Variants in TTYH2 observed in about 807,000 individuals in gnomAD.
TTYH2 encodes protein tweety homolog 2.
In TTYH2, 49 loss-of-function variants were observed where a neutral mutation model predicts 68.3. The observed-to-expected ratio is 0.72, with a 90% CI of 0.57 to 0.91. TTYH2 has a LOEUF of 0.91. Among genes scored for constraint, TTYH2 ranks in the 40% least tolerant of loss-of-function variants. The pLI, the probability that TTYH2 is intolerant of heterozygous loss-of-function variation, is 0.00. For synonymous variants in TTYH2, 272 were observed against 300.8 expected, an observed-to-expected ratio of 0.90 and a Z score of 0.99; for missense variants, 631 against 700.4, an observed-to-expected ratio of 0.90 and a Z score of 1.12.
rs777539141 is a variant in TTYH2, at chr17:74,250,363, TGGGGACCCTGG to T, written c.1116+9_1116+19del. On this transcript the variant is annotated splice_region_variant and intron_variant, in intron 10 of 13. Transcript: ENST00000269346. ...ACTGCCGAGGGCTGCACAAGGTGCA[TGGGGACCCTGG>T]GGTCACGTGGAGAGTGTGAGGGCAC... is the stretch of plus-strand genomic sequence containing the variant. The T allele has an allele frequency of 1.3e-4, 217 of 1,610,890 alleles. No individual in the cohort carries two copies. The highest frequency in any genetic ancestry group is 1.8e-4 in the Non-Finnish European group (207 of 1,178,178).
chr17:74,254,848 G>A (rs2050676800), intron 13 of TTYH2, among the ~76,000 whole-genome samples: 1 of 152,074 alleles, frequency 6.6e-6, no homozygotes, highest in African/African-American at 2.4e-5. Flanking sequence ...TCTCTTTTGG[G>A]CTGGACGGTG....
intron 2 of TTYH2, among the ~76,000 whole-genome samples, chr17:74,229,347 T>C (rs1567812873): frequency 6.6e-6 from 1 of 152,158 alleles, no homozygotes; most frequent in East Asian, 1.9e-4. Context: ...TCAGCATCCC[T>C]TGGGCTGGCT....
At position 74,254,878 on chromosome 17, in the gene TTYH2, T is replaced by C. The variant is rs536066198; in HGVS notation, c.1524+1045T>C. ...ACGGTGGGTTGGCTGTGGTGGCGGG[T>C]CTGGGAGGGCTGAACCCAAACACAG... is the stretch of plus-strand genomic sequence containing the variant. On this transcript the variant is annotated intron_variant, in intron 13 of 13. Transcript: ENST00000269346. 1.8e-3 allele frequency among the ~76,000 whole-genome samples: 274 copies of C among 152,072 alleles called. 5 individuals are homozygous for C. Among genetic ancestry groups the C allele is most frequent in the African/African-American group, 6.4e-3 (265 of 41,478 alleles).
At chr17:74,250,242 C>G (rs1162703488) in intron 9 of TTYH2, 23 bp from the exon 10 acceptor site, 1 of 1,492,424 alleles carries the variant, frequency 6.7e-7, no homozygotes, top group East Asian at 2.3e-5. Flanking sequence ...CCCTCGGCCT[C>G]TCTCGCTCTC....
intron 2 of TTYH2, among the ~76,000 whole-genome samples, chr17:74,226,649 G>A (rs908506270): frequency 1.3e-5 from 2 of 152,182 alleles, no homozygotes; most frequent in Admixed American, 1.3e-4. Context: ...CTCTGCTGAT[G>A]TGATTCCACC....
chr17:74,254,972 C>T (rs556903728), intron 13 of TTYH2, among the ~76,000 whole-genome samples: 28 of 152,308 alleles, frequency 1.8e-4, no homozygotes, highest in African/African-American at 6.3e-4. Flanking sequence ...TGCCTCTTGT[C>T]CACCCCACCA....
intron 2 of TTYH2, 97 bp from the exon 3 acceptor site, chr17:74,230,791 T>A: frequency 2.4e-6 from 3 of 1,233,096 alleles, no homozygotes; most frequent in Non-Finnish European, 3.4e-6. Flanking sequence ...ATTACAGGCA[T>A]GAGCCACCGC....
At chr17:74,247,780 T>G (rs543604862) in intron 6 of TTYH2, among the ~76,000 whole-genome samples, 1 of 152,264 alleles carries the variant, frequency 6.6e-6, no homozygotes, top group South Asian at 2.1e-4. Context: ...GCCAGGTTGA[T>G]GTATTATGAA....
At chr17:74,219,604 A>C (rs1344702142) in intron 1 of TTYH2, among the ~76,000 whole-genome samples, 1 of 152,062 alleles carries the variant, frequency 6.6e-6, no homozygotes, top group Non-Finnish European at 1.5e-5. Flanking sequence ...TCGGTGATTC[A>C]CATTTCTCTG....
chr17:74,231,117 GC>G (rs1249772991), intron 3 of TTYH2, 118 bp downstream of exon 3: 1 of 947,480 alleles, frequency 1.1e-6, no homozygotes, highest in Admixed American at 2.3e-5. Flanking sequence ...GCTGTGTGAC[GC>G]CTGAGGGCTG....
At chr17:74,220,327 A>C (rs1361307535) in intron 1 of TTYH2, among the ~76,000 whole-genome samples, 1 of 152,216 alleles carries the variant, frequency 6.6e-6, no homozygotes, top group African/African-American at 2.4e-5. Flanking sequence ...AAAAAGTTTG[A>C]GAACTTCTGT....
chr17:74,244,627 G>A (rs1598227025), intron 6 of TTYH2, among the ~76,000 whole-genome samples: 1 of 152,198 alleles, frequency 6.6e-6, no homozygotes, highest in Middle Eastern at 3.4e-3. Context: ...CTTCCTATGC[G>A]GGTCCACATG....
rs1032919247 is a variant in TTYH2 at position 74,249,534 on chromosome 17, G to A, written c.930+135G>A. The A allele has an allele frequency of 5.3e-6, 5 of 936,654 alleles. No homozygotes were observed. The African/African-American group carries it at 6.5e-5, about 12-fold the overall frequency. The allele number at this position is 936,654 out of a possible 1,614,324, so 58.0% of individuals were successfully genotyped here. Reference sequence around the variant, plus strand: ...TGTGGTCCTCTCCTTAGCTGCTTCTGTGAGGGGGGCGTGCTTTTGGTCGTG... The same window carrying A: ...TGTGGTCCTCTCCTTAGCTGCTTCTATGAGGGGGGCGTGCTTTTGGTCGTG... On this transcript the variant is annotated intron_variant, in intron 8 of 13. Transcript: ENST00000269346.
At chr17:74,223,279 T>C (rs2050296162) in intron 2 of TTYH2, among the ~76,000 whole-genome samples, 1 of 139,564 alleles carries the variant, frequency 7.2e-6, no homozygotes, top group Non-Finnish European at 1.5e-5. Flanking sequence ...TGCCTGGCTT[T>C]TTTTTTGGGG....
chr17:74,243,595 G>T (rs1020978797), intron 5 of TTYH2, 126 bp downstream of exon 5: 1 of 946,920 alleles, frequency 1.1e-6, no homozygotes, highest in Non-Finnish European at 1.7e-6. Flanking sequence ...GCCACCTTCT[G>T]CCCCGTCCTC....
At position 74,250,046 on chromosome 17, in the gene TTYH2, G is replaced by A. The variant is rs1173021997; in HGVS notation, c.1023+18G>A. On this transcript the variant is annotated intron_variant, in intron 9 of 13. Transcript: ENST00000269346. ...CTGCAGAGGTAAGGCAGCTGTGCAGGAAGAGGGGAGCCCCAGATGAACCCT... is the reference window on the plus strand; with the variant it reads ...CTGCAGAGGTAAGGCAGCTGTGCAGAAAGAGGGGAGCCCCAGATGAACCCT... The A allele has an allele frequency of 6.2e-7, 1 of 1,613,158 alleles. No individual in the cohort carries two copies. Among genetic ancestry groups the A allele is most frequent in the Non-Finnish European group, 8.5e-7 (1 of 1,179,300 alleles).
intron 13 of TTYH2, among the ~76,000 whole-genome samples, chr17:74,255,176 G>T (rs1462418130): frequency 2.0e-5 from 3 of 152,248 alleles, no homozygotes; most frequent in South Asian, 2.1e-4. Context: ...AGTGCCAAAG[G>T]CCTGGGTTCA....
intron 10 of TTYH2, among the ~76,000 whole-genome samples, chr17:74,251,043 C>G (rs572533552): frequency 3.6e-5 from 5 of 140,144 alleles, no homozygotes; most frequent in Non-Finnish European, 7.7e-5. Context: ...TGTGTGTGCA[C>G]GTGCGTGTGT....
At chr17:74,242,595 G>A (rs921610923) in intron 4 of TTYH2, among the ~76,000 whole-genome samples, 2 of 152,170 alleles carry the variant, frequency 1.3e-5, no homozygotes, top group Non-Finnish European at 1.5e-5. Flanking sequence ...GTTTCACCAC[G>A]TTGGCCAGGC....
Sources: allele counts gnomAD v4.1 joint callset (sites outside exome capture counted in the v4.1 genomes callset), GRCh38; gene constraint gnomAD v4.1.1; transcripts MANE v1.5; gene names NCBI Gene and HGNC (gene_info 2026-07-23, HGNC 2026-07-21).